Variants in SPTAN1 observed in about 807,000 individuals in gnomAD.
SPTAN1 encodes the protein spectrin alpha, non-erythrocytic 1.
A neutral mutation model predicts 331.3 loss-of-function variants in SPTAN1; 61 were observed. That is an observed-to-expected ratio of 0.18 (90% confidence interval 0.15 to 0.23). SPTAN1 has a LOEUF of 0.23. Ranked by LOEUF, SPTAN1 falls within the 10% of genes least tolerant of loss-of-function variation. SPTAN1 has a pLI of 1.00. For synonymous variants in SPTAN1, 1,153 were observed against 1,173.9 expected (o/e 0.98, Z 0.36); for missense variants, 2,043 against 3,147.9 (o/e 0.65, Z 8.40).
chr9:128,618,918 A>G lies in SPTAN1; in HGVS notation c.5648A>G (p.Asn1883Ser), dbSNP rs200248814. ...TTGGAATATCAGCAGTTTGTAGCCA[A>G]TGTGGAAGAGGAAGAAGCCTGGATC... is the stretch of plus-strand genomic sequence containing the variant. The part of the protein sequence containing the change: ...ESLEYQQFVA[N>S]VEEEEAWINE... The change falls in exon 44 of 57, where the codon AAT becomes AGT. Residue 1883 changes from asparagine to serine, a missense_variant. Coordinates refer to ENST00000372739, the MANE Select transcript of SPTAN1 (RefSeq NM_001130438.3). The G allele has an allele frequency of 7.6e-5, 123 of 1,614,186 alleles. 1 individual carries two copies. The highest frequency in any genetic ancestry group is 6.4e-4 in the South Asian group (58 of 91,084).
chr9:128,584,968 C>A (rs921307559), intron 18 of SPTAN1, 125 bp downstream of exon 18: 4 of 1,172,400 alleles, frequency 3.4e-6, no homozygotes, highest in Non-Finnish European at 5.1e-6. Flanking sequence ...CCATTCTTTC[C>A]TAACTGTATG....
intron 31 of SPTAN1, among the ~76,000 whole-genome samples, chr9:128,605,848 C>T (rs1243044147): frequency 6.6e-6 from 1 of 151,914 alleles, no homozygotes; most frequent in East Asian, 1.9e-4. Context: ...AAAAATTAGC[C>T]AGGTGTGGTG....
At chr9:128,605,682 A>T (rs1855740891) in intron 31 of SPTAN1, among the ~76,000 whole-genome samples, 1 of 152,200 alleles carries the variant, frequency 6.6e-6, no homozygotes, top group African/African-American at 2.4e-5. Context: ...TATTTCTATT[A>T]TAAAATTTTA....
intron 9 of SPTAN1, 84 bp from the exon 10 acceptor site, chr9:128,579,553 T>C: frequency 9.5e-7 from 1 of 1,049,550 alleles, no homozygotes; most frequent in Non-Finnish European, 1.5e-6. Context: ...GTCTGGCTTA[T>C]AATGCTTATG....
At chr9:128,591,442 G>T in intron 21 of SPTAN1, 35 bp from the exon 22 acceptor site, 4 of 1,613,790 alleles carry the variant, frequency 2.5e-6, no homozygotes, top group South Asian at 1.1e-5. Flanking sequence ...CTCAGAGAAG[G>T]AATTTACTTT....
intron 35 of SPTAN1, 66 bp downstream of exon 35, chr9:128,609,043 C>T: frequency 6.2e-7 from 1 of 1,613,814 alleles, no homozygotes; most frequent in Non-Finnish European, 8.5e-7. Flanking sequence ...ATACGAAGGC[C>T]CAGGCCTGTT....
chr9:128,579,648 T>C lies in SPTAN1; in HGVS notation c.1233T>C (p.Asp411=), dbSNP rs1398538214. 9.3e-6 allele frequency: 15 copies of C among 1,613,894 alleles called. No homozygotes were observed. The highest frequency in any genetic ancestry group is 1.3e-5 in the Non-Finnish European group (15 of 1,179,910). ...DRHQEHKGEI[D]AHEDSFKSAD... is the part of the protein sequence containing the mutation. ...TTTTTCTCCTGTAGGGTGAAATTGA[T>C]GCCCATGAAGACAGCTTCAAATCTG... Residue 411 remains aspartate (D), a synonymous_variant, in exon 10 of 57, where the codon GAT becomes GAC. Coordinates refer to ENST00000372739, the MANE Select transcript of SPTAN1 (RefSeq NM_001130438.3).
At position 128,626,516 on chromosome 9, in the gene SPTAN1, C is replaced by T. The variant is rs767640999; in HGVS notation, c.6405C>T (p.Arg2135=). The T allele has an allele frequency of 1.7e-5, 28 of 1,613,922 alleles. No individual in the cohort carries two copies. The African/African-American group carries it at 2.7e-4, about 15-fold the overall frequency. ...CCTTGGAAGAAATCAAAGCTTTGCG[C>T]GAGGCCCACGACGCCTTCCGCTCCT... is the stretch of plus-strand genomic sequence containing the variant. The part of the protein sequence containing the change: ...CNSLEEIKAL[R]EAHDAFRSSL... Residue 2135 remains arginine, a synonymous_variant, in exon 49 of 57, where the codon CGC becomes CGT. Coordinates refer to ENST00000372739, the MANE Select transcript of SPTAN1 (RefSeq NM_001130438.3).
At chr9:128,611,086 T>C (rs1856509069) in intron 37 of SPTAN1, among the ~76,000 whole-genome samples, 2 of 152,248 alleles carry the variant, frequency 1.3e-5, no homozygotes, top group Non-Finnish European at 2.9e-5. Flanking sequence ...GATTCAAAAC[T>C]GAAGTTGGCC....
At chr9:128,560,177 G>A (rs1277762090) in intron 1 of SPTAN1, among the ~76,000 whole-genome samples, 2 of 147,196 alleles carry the variant, frequency 1.4e-5, no homozygotes, top group African/African-American at 2.5e-5. Flanking sequence ...TCAGCCTCCC[G>A]GGTTCTGGCA....
rs1217703018 is a variant in SPTAN1 at position 128,552,601 on chromosome 9, C to T, written c.-99C>T. 1 of 151,440 alleles carries T rather than the reference C, an allele frequency of 6.6e-6. No homozygotes were observed. The highest frequency in any genetic ancestry group is 1.5e-5 in the Non-Finnish European group (1 of 67,792). The allele number at this position is 151,440 out of a possible 1,614,324, so 9.4% of individuals were successfully genotyped here. On this transcript the variant is annotated 5_prime_UTR_variant, in exon 1 of 57. Coordinates refer to ENST00000372739, the MANE Select transcript of SPTAN1 (RefSeq NM_001130438.3). This position sits in a 1 kb window ranked among gnomAD's most constrained non-coding sequence, Gnocchi z 4.6. Reference sequence around the variant, plus strand: ...CGCGCGTCGCCGCCACTACCCGCTGCGGAGTGAACGGTGTGGAGCGGAGGC... The same window carrying T: ...CGCGCGTCGCCGCCACTACCCGCTGTGGAGTGAACGGTGTGGAGCGGAGGC...
At chr9:128,588,659 T>C in intron 20 of SPTAN1, 150 bp from the exon 21 acceptor site, 1 of 1,180,308 alleles carries the variant, frequency 8.5e-7, no homozygotes, top group Non-Finnish European at 1.2e-6. Context: ...AGTTCTTGGA[T>C]CAGATTTTAT....
intron 45 of SPTAN1, among the ~76,000 whole-genome samples, chr9:128,623,575 C>T (rs566326562): frequency 5.3e-5 from 8 of 151,630 alleles, no homozygotes; most frequent in Admixed American, 1.3e-4. Flanking sequence ...CATCCCTCAG[C>T]CTCCTGGGTC....
At chr9:128,632,099 T>C in intron 52 of SPTAN1, 28 bp from the exon 53 acceptor site, 1 of 1,610,608 alleles carries the variant, frequency 6.2e-7, no homozygotes, top group Non-Finnish European at 8.5e-7. Flanking sequence ...GGCCCCCGTC[T>C]GAGCATCTGT....
chr9:128,612,716 A>G (rs982908364), intron 39 of SPTAN1, among the ~76,000 whole-genome samples: 7 of 152,176 alleles, frequency 4.6e-5, no homozygotes, highest in Middle Eastern at 3.2e-3. Context: ...ACTTGAGGTC[A>G]GGAGTTCGAG....
At chr9:128,628,321 C>A in intron 51 of SPTAN1, 1 of 390,900 alleles carries the variant, frequency 2.6e-6, no homozygotes, top group Non-Finnish European at 4.9e-6. Flanking sequence ...GCGAGTCCAA[C>A]AGTGGTCAGT....
At chr9:128,623,622 ATTTTT>A (rs777632874) in intron 45 of SPTAN1, among the ~76,000 whole-genome samples, 2 of 117,118 alleles carry the variant, frequency 1.7e-5, no homozygotes, top group Non-Finnish European at 3.5e-5. Flanking sequence ...AACCTGGCTA[ATTTTT>A]TTTTTTTTTT....
chr9:128,590,383 C>A (rs1183432638), intron 21 of SPTAN1, among the ~76,000 whole-genome samples: 1 of 151,912 alleles, frequency 6.6e-6, no homozygotes, highest in Admixed American at 6.6e-5. Context: ...ATGGCTAGTA[C>A]AACTGGGTGT....
intron 3 of SPTAN1, among the ~76,000 whole-genome samples, chr9:128,570,757 A>G (rs1212009907): frequency 6.6e-6 from 1 of 151,410 alleles, no homozygotes; most frequent in African/African-American, 2.4e-5. Flanking sequence ...CCCAGTTTCA[A>G]GTGATTCTCC....
Sources: gnomAD v4.1 joint callset for allele counts (sites outside exome capture counted in the v4.1 genomes callset) on GRCh38, gnomAD v4.1.1 for gene constraint, Gnocchi (gnomAD v3.1) non-coding constraint, MANE v1.5 for transcripts, NCBI Gene and HGNC (gene_info 2026-07-23, HGNC 2026-07-21) for gene names.